Variants in ASTN2 observed in about 807,000 individuals in gnomAD.
ASTN2 encodes astrotactin-2.
ASTN2 carries 54 observed loss-of-function variants against 139.8 expected under a neutral mutation model. The ratio of observed to expected loss-of-function variants is 0.39; its 90% CI spans 0.31 to 0.48. The LOEUF is 0.48. ASTN2 is among the 20% of genes least tolerant of loss of function. The pLI, the probability that ASTN2 is intolerant of heterozygous loss-of-function variation, is 0.95. For missense variants in ASTN2, 1,565 were observed against 1,725.1 expected (o/e 0.91, Z 1.64); for synonymous variants, 756 against 719.5 (o/e 1.05, Z -0.81).
intron 20 of ASTN2, among the ~76,000 whole-genome samples, chr9:116,447,599 T>A (rs143432094): frequency 1.3e-4 from 20 of 152,308 alleles, no homozygotes; most frequent in Non-Finnish European, 2.4e-4. Flanking sequence ...CAATTTGTTG[T>A]TAAATTCTGG....
chr9:117,087,285 A>T (rs183985136), intron 5 of ASTN2, among the ~76,000 whole-genome samples: 1 of 151,582 alleles, frequency 6.6e-6, no homozygotes, highest in East Asian at 1.9e-4. Flanking sequence ...CCCAGTCTTT[A>T]GTGCAGAGGT....
intron 19 of ASTN2, among the ~76,000 whole-genome samples, chr9:116,548,355 C>A (rs1852195781): frequency 2.0e-5 from 3 of 152,184 alleles, no homozygotes; most frequent in Admixed American, 6.5e-5. Context: ...ATGACCCTGA[C>A]CAGCTCCAGG....
At chr9:117,354,928 C>T (rs1443596504) in intron 1 of ASTN2, among the ~76,000 whole-genome samples, 1 of 152,188 alleles carries the variant, frequency 6.6e-6, no homozygotes, top group Non-Finnish European at 1.5e-5. Context: ...TCCTTCAAGG[C>T]ATTTGCCCTA....
intron 1 of ASTN2, among the ~76,000 whole-genome samples, chr9:117,366,531 A>G (rs1829847868): frequency 6.6e-6 from 1 of 152,096 alleles, no homozygotes; most frequent in Non-Finnish European, 1.5e-5. Flanking sequence ...CCTGACCATG[A>G]TCTTTTCATA....
chr9:116,984,246 A>C (rs1483808298), intron 7 of ASTN2, among the ~76,000 whole-genome samples: 1 of 152,064 alleles, frequency 6.6e-6, no homozygotes, highest in Non-Finnish European at 1.5e-5. Context: ...TGTGCTATGA[A>C]CCTATTTTCT....
intron 4 of ASTN2, among the ~76,000 whole-genome samples, chr9:117,121,244 A>T (rs144973874): frequency 1.3e-5 from 2 of 152,316 alleles, no homozygotes; most frequent in Non-Finnish European, 2.9e-5. Flanking sequence ...TTGGTGCATC[A>T]CTGGGCTAGA....
At position 117,414,533 on chromosome 9, in the gene ASTN2, C is replaced by G; in HGVS notation, c.406G>C (p.Asp136His). The G allele has an allele frequency of 6.2e-7, 1 of 1,607,022 alleles. No individual in the cohort carries two copies. Among genetic ancestry groups the G allele is most frequent in the Non-Finnish European group, 8.5e-7 (1 of 1,177,364 alleles). ...AAGGGCAGCTCGGTGTTGTCCAGGT[C>G]GTCCTGCACCGCGATGCGCCCCGGC... ...ELPGRIAVQDDLDNTELPFFT... is the reference protein window; with the variant it reads ...ELPGRIAVQDHLDNTELPFFT... The change falls in exon 1 of 23, where the codon GAC becomes CAC. Residue 136 changes from aspartate (D) to histidine (H), a missense_variant. Asp to His is a moderately conservative substitution (Grantham distance 81, BLOSUM62 -1). Around this residue, in one of 4 missense-constraint regions of ASTN2, gnomAD observed 596 missense variants for 576.8 expected, o/e 1.03. Transcript: ENST00000313400. The surrounding 1 kb of genome is among the most constrained non-coding windows in gnomAD (Gnocchi z 4.2).
At chr9:116,671,927 G>A (rs1369630793) in intron 16 of ASTN2, among the ~76,000 whole-genome samples, 1 of 152,160 alleles carries the variant, frequency 6.6e-6, no homozygotes, top group Non-Finnish European at 1.5e-5. Flanking sequence ...CTGTGAAGCA[G>A]AGAAACGAGA....
chr9:116,769,580 T>A (rs1315989733), intron 13 of ASTN2, among the ~76,000 whole-genome samples: 2 of 152,208 alleles, frequency 1.3e-5, no homozygotes, highest in Non-Finnish European at 2.9e-5. Flanking sequence ...AATGACATTG[T>A]ATTCCTTAAA....
rs187871110 is a variant in ASTN2, at chr9:116,843,589, G to A, written c.2040+19994C>T. On this transcript the variant is annotated intron_variant, in intron 11 of 22. Transcript: ENST00000313400. ...GGGGAGAATTGCTTGAACTCGGGAGGCAGATGTTGCAGTGAGCCAAGATCG... is the reference window on the plus strand; with the variant it reads ...GGGGAGAATTGCTTGAACTCGGGAGACAGATGTTGCAGTGAGCCAAGATCG... Among the ~76,000 whole-genome samples, 44 of 151,588 alleles carry A rather than the reference G, an allele frequency of 2.9e-4. No homozygotes were observed. In the East Asian group the frequency reaches 8.0e-3, roughly 27 times the overall value.
intron 19 of ASTN2, among the ~76,000 whole-genome samples, chr9:116,588,213 A>C (rs1255335740): frequency 1.3e-5 from 2 of 152,214 alleles, no homozygotes; most frequent in East Asian, 1.9e-4. Context: ...CAAAGGGAAA[A>C]ATTCAGCTCT....
At chr9:116,661,294 T>G (rs1305581086) in intron 16 of ASTN2, among the ~76,000 whole-genome samples, 1 of 152,172 alleles carries the variant, frequency 6.6e-6, no homozygotes. Flanking sequence ...GAAATCTCTG[T>G]TCTGATCCTT....
At chr9:116,949,628 G>T (rs866737118) in intron 10 of ASTN2, among the ~76,000 whole-genome samples, 1 of 152,138 alleles carries the variant, frequency 6.6e-6, no homozygotes, top group Non-Finnish European at 1.5e-5. Context: ...GGGGTACAAG[G>T]TCAAATTGTG....
chr9:116,904,016 C>G (rs1834090885), intron 10 of ASTN2, among the ~76,000 whole-genome samples: 1 of 152,232 alleles, frequency 6.6e-6, no homozygotes, highest in Non-Finnish European at 1.5e-5. Context: ...AAAGCCTCCC[C>G]TAGTCTCCCA....
chr9:116,495,246 G>C (rs1320385021), intron 19 of ASTN2, among the ~76,000 whole-genome samples: 1 of 152,156 alleles, frequency 6.6e-6, no homozygotes, highest in East Asian at 1.9e-4. Flanking sequence ...CTGTTGGTTT[G>C]ACTGGCTATA....
At chr9:117,208,597 T>A (rs932798290) in intron 3 of ASTN2, among the ~76,000 whole-genome samples, 10 of 151,850 alleles carry the variant, frequency 6.6e-5, no homozygotes, top group Non-Finnish European at 1.0e-4. Context: ...AGCAAAAAAA[T>A]ATTCCAACGT....
At chr9:116,863,279 T>G (rs1286726523) in intron 11 of ASTN2, among the ~76,000 whole-genome samples, 2 of 152,236 alleles carry the variant, frequency 1.3e-5, no homozygotes, top group Non-Finnish European at 2.9e-5. Context: ...AGGCATGCCC[T>G]GTCTTACTCT....
intron 11 of ASTN2, among the ~76,000 whole-genome samples, chr9:116,841,391 G>A (rs567734171): frequency 7.9e-5 from 12 of 151,900 alleles, no homozygotes; most frequent in African/African-American, 2.9e-4. Context: ...GGGAGAGGGA[G>A]AGGAGACTGA....
chr9:117,346,824 C>A (rs1370234210), intron 1 of ASTN2, among the ~76,000 whole-genome samples: 1 of 152,088 alleles, frequency 6.6e-6, no homozygotes, highest in Non-Finnish European at 1.5e-5. Flanking sequence ...TCAATATATT[C>A]ATTTCTCTGA....
Sources: gnomAD v4.1 joint callset for allele counts (sites outside exome capture counted in the v4.1 genomes callset) on GRCh38, gnomAD v4.1.1 for gene constraint, gnomAD v4.1.1 regional missense constraint, Gnocchi (gnomAD v3.1) non-coding constraint, MANE v1.5 for transcripts, NCBI Gene and HGNC (gene_info 2026-07-23, HGNC 2026-07-21) for gene names.